The following UBE2W variants were observed in gnomAD, a reference collection of about 807,000 sequenced individuals.
The protein encoded by UBE2W is ubiquitin conjugating enzyme E2 W, also known as ubiquitin-conjugating enzyme E2 W.
In UBE2W, 18 loss-of-function variants were observed where a neutral mutation model predicts 27.2. The ratio of observed to expected loss-of-function variants is 0.66; its 90% confidence interval spans 0.46 to 0.98. The LOEUF is 0.98. UBE2W is among the 50% of genes least tolerant of loss of function. UBE2W has a pLI of 0.00. For synonymous variants in UBE2W, 53 were observed against 57.2 expected (o/e 0.93, Z 0.33); for missense variants, 90 against 180.2 (o/e 0.50, Z 2.87).
chr8:73,805,474 A>AAAAAAAAAAAAC (rs1563578043), intron 5 of UBE2W, among the ~76,000 whole-genome samples, 177 bp downstream of exon 5: 11 of 144,404 alleles, frequency 7.6e-5, no homozygotes, highest in African/African-American at 1.8e-4. Flanking sequence ...AAAAAAAACA[A>AAAAAAAAAAAAC]AAAAAACTAG....
intron 1 of UBE2W, among the ~76,000 whole-genome samples, chr8:73,837,234 C>T (rs1810345003): frequency 6.6e-6 from 1 of 152,142 alleles, no homozygotes. Flanking sequence ...TGAAGTGGGT[C>T]GGGTGCGGTG....
intron 1 of UBE2W, among the ~76,000 whole-genome samples, chr8:73,874,157 C>T (rs560380268): frequency 1.2e-4 from 18 of 152,280 alleles, no homozygotes; most frequent in African/African-American, 4.1e-4. Context: ...CACGGCCGGG[C>T]GCGGTGGCTG....
At chr8:73,850,394 C>T (rs911327067) in intron 1 of UBE2W, among the ~76,000 whole-genome samples, 2 of 151,818 alleles carry the variant, frequency 1.3e-5, no homozygotes, top group African/African-American at 4.8e-5. Context: ...AGGTCAATAC[C>T]CTAAGAGAAA....
intron 1 of UBE2W, among the ~76,000 whole-genome samples, chr8:73,840,477 ATGAATCAAAAC>A (rs1373335698): frequency 6.6e-6 from 1 of 152,280 alleles, no homozygotes; most frequent in Non-Finnish European, 1.5e-5. Flanking sequence ...TCTTGTGGTT[ATGAATCAAAAC>A]TGGAAGAACA....
At chr8:73,861,816 C>A (rs7830711) in intron 1 of UBE2W, among the ~76,000 whole-genome samples, 17,507 of 152,072 alleles carry the variant, frequency 0.12, 3,240 homozygotes, top group African/African-American at 0.39. Context: ...CTCATGACAG[C>A]TATTTTGTTT....
intron 1 of UBE2W, among the ~76,000 whole-genome samples, chr8:73,851,726 G>GA (rs1222894855): frequency 6.6e-6 from 1 of 152,080 alleles, no homozygotes; most frequent in Non-Finnish European, 1.5e-5. Context: ...ACAACTGGAG[G>GA]AATCAAAGGA....
At chr8:73,827,446 T>C (rs1809892515) in intron 2 of UBE2W, among the ~76,000 whole-genome samples, 1 of 152,222 alleles carries the variant, frequency 6.6e-6, no homozygotes, top group East Asian at 1.9e-4. Flanking sequence ...ACTCCCGAAC[T>C]CGGGTGATCT....
rs1025107153 is a variant in UBE2W, at chr8:73,867,158, T to C, written c.15+11650A>G. Among the ~76,000 whole-genome samples the C allele has an allele frequency of 8.5e-5, 13 of 152,248 alleles. 1 individual carries two copies. The highest frequency in any genetic ancestry group is 3.1e-4 in the African/African-American group (13 of 41,550). ...GCTCACGCCTGTGATCTCAGCATGT[T>C]GGGAGGCTGCAGTGGGTGGATCACT... On this transcript the variant is annotated intron_variant, in intron 1 of 5. Transcript: ENST00000602593.
At chr8:73,837,362 A>C (rs1386338832) in intron 1 of UBE2W, among the ~76,000 whole-genome samples, 1 of 152,168 alleles carries the variant, frequency 6.6e-6, no homozygotes, top group East Asian at 1.9e-4. Flanking sequence ...AAAACATAAA[A>C]ATTAGCCAGG....
chr8:73,789,055 AT>A lies in UBE2W; in HGVS notation c.*5046del. 1.0e-6 allele frequency: 1 copy of A among 985,206 alleles called. No individual in the cohort carries two copies. The highest frequency in any genetic ancestry group is 1.2e-6 in the Non-Finnish European group (1 of 829,808). The allele number at this position is 985,206 out of a possible 1,614,324, so 61.0% of individuals were successfully genotyped here. A position where few individuals can be genotyped will look rare whatever the true frequency, so the allele number is the denominator to read the frequency against. ...TTAACATATGAAAATTAAAATTACA[AT>A]TAACATCTCACCAGGATCAAAGAAC... On this transcript the variant is annotated 3_prime_UTR_variant, in exon 6 of 6. Coordinates refer to ENST00000602593, the MANE Select transcript of UBE2W (RefSeq NM_018299.6).
chr8:73,873,897 C>G (rs763121361), intron 1 of UBE2W, among the ~76,000 whole-genome samples: 3 of 152,112 alleles, frequency 2.0e-5, no homozygotes, highest in South Asian at 2.1e-4. Context: ...TTAGAGTTGA[C>G]AAACATCAAC....
rs944580979 is a variant in UBE2W, at chr8:73,805,811, C to T, written c.367-85G>A. The T allele has an allele frequency of 2.7e-5, 19 of 693,198 alleles. No homozygotes were observed. The South Asian group carries it at 4.8e-4, about 18-fold the overall frequency. The allele number at this position is 693,198 out of a possible 1,614,324, so 42.9% of individuals were successfully genotyped here. A position where few individuals can be genotyped will look rare whatever the true frequency, so the allele number is the denominator to read the frequency against. ...TTAATAAAAGCTTAAGAAAAATTAA[C>T]AGAATGCATAAAAAACAATATAAAC... On this transcript the variant is annotated intron_variant, in intron 4 of 5. Coordinates refer to ENST00000602593, the MANE Select transcript of UBE2W (RefSeq NM_018299.6).
intron 1 of UBE2W, among the ~76,000 whole-genome samples, chr8:73,861,376 C>CA (rs977071563): frequency 2.6e-5 from 4 of 152,060 alleles, no homozygotes; most frequent in Non-Finnish European, 5.9e-5. Flanking sequence ...CAATGAAGGG[C>CA]AAAAAGACTT....
intron 1 of UBE2W, among the ~76,000 whole-genome samples, chr8:73,872,888 CTT>C (rs544995777): frequency 5.6e-5 from 8 of 142,330 alleles, no homozygotes; most frequent in African/African-American, 1.8e-4. Flanking sequence ...AAAGATAATC[CTT>C]TTTTTTTTTC....
chr8:73,871,290 G>A (rs1812000173), intron 1 of UBE2W, among the ~76,000 whole-genome samples: 2 of 152,190 alleles, frequency 1.3e-5, no homozygotes. Flanking sequence ...GTTTCTGGCT[G>A]AGCAAATGGA....
chr8:73,860,800 A>C (rs1811505738), intron 1 of UBE2W, among the ~76,000 whole-genome samples: 1 of 152,212 alleles, frequency 6.6e-6, no homozygotes, highest in Non-Finnish European at 1.5e-5. Context: ...GGAACAACAA[A>C]AAAACAAGAC....
chr8:73,855,450 G>C (rs957021648), intron 1 of UBE2W, among the ~76,000 whole-genome samples: 12 of 131,320 alleles, frequency 9.1e-5, no homozygotes, highest in African/African-American at 3.5e-4. Flanking sequence ...CACCCATGCT[G>C]GAGTGCAGTG....
At chr8:73,844,905 G>A (rs1260095565) in intron 1 of UBE2W, among the ~76,000 whole-genome samples, 3 of 150,952 alleles carry the variant, frequency 2.0e-5, no homozygotes, top group Admixed American at 6.6e-5. Flanking sequence ...GAGCCCCTCC[G>A]CCCGGCAGCC....
intron 1 of UBE2W, among the ~76,000 whole-genome samples, chr8:73,864,962 T>C (rs551449356): frequency 2.0e-5 from 3 of 151,964 alleles, no homozygotes; most frequent in African/African-American, 4.8e-5. Flanking sequence ...CTATAACACA[T>C]GCCTGAACAA....
Sources: gnomAD v4.1 joint callset for allele counts (sites outside exome capture counted in the v4.1 genomes callset) on GRCh38, gnomAD v4.1.1 for gene constraint, MANE v1.5 for transcripts, NCBI Gene and HGNC (gene_info 2026-07-23, HGNC 2026-07-21) for gene names.